Variants in AFG1L observed in about 807,000 individuals in gnomAD.
AFG1L encodes the protein AFG1-like ATPase.
AFG1L carries 53 observed loss-of-function variants against 62.2 expected under a neutral mutation model. The observed-to-expected ratio is 0.85, with a 90% CI of 0.68 to 1.07. The LOEUF is 1.07. AFG1L is among the 50% of genes least tolerant of loss of function. The pLI is 0.00. For synonymous variants in AFG1L, 228 were observed against 210.3 expected (o/e 1.08, Z -0.73); for missense variants, 555 against 590.5 (o/e 0.94, Z 0.62).
In AFG1L at chr6:108,347,293, GTAAT is replaced by G. The variant is rs1778902121; in HGVS notation, c.415+259_415+262del. ...GTGCAAACATTATTTAATGTATAAA[GTAAT>G]TAATATCAGGGAAGGAAATCAACTA... On this transcript the variant is annotated intron_variant, in intron 3 of 12. Coordinates refer to ENST00000368977, the MANE Select transcript of AFG1L (RefSeq NM_145315.5). Among the ~76,000 whole-genome samples, 4 of 152,194 alleles carry G rather than the reference GTAAT, an allele frequency of 2.6e-5. No individual in the cohort carries two copies. The South Asian group carries it at 8.3e-4, about 32-fold the overall frequency.
chr6:108,477,300 T>C lies in AFG1L; in HGVS notation c.1062+8T>C, dbSNP rs757932161. The C allele has an allele frequency of 1.3e-6, 2 of 1,541,748 alleles. No individual in the cohort carries two copies. The highest frequency in any genetic ancestry group is 2.3e-5 in the South Asian group (2 of 86,058). ...GAAGAGCTGTGTGAGAGAGTAAGTA[T>C]CCAGGCACGTCCAGACTCACTGGCC... On this transcript the variant is annotated splice_region_variant and intron_variant, in intron 10 of 12. Coordinates refer to ENST00000368977, the MANE Select transcript of AFG1L (RefSeq NM_145315.5).
At chr6:108,465,163 C>A (rs957380625) in intron 8 of AFG1L, among the ~76,000 whole-genome samples, 1 of 152,114 alleles carries the variant, frequency 6.6e-6, no homozygotes, top group South Asian at 2.1e-4. Flanking sequence ...CAAAGCTGAA[C>A]GGGATATTTT....
chr6:108,509,436 T>C lies in AFG1L; in HGVS notation c.1063-776T>C, dbSNP rs145628867. Among the ~76,000 whole-genome samples, 260 of 152,372 alleles carry C rather than the reference T, an allele frequency of 1.7e-3. 2 individuals are homozygous for C. Among genetic ancestry groups the C allele is most frequent in the African/African-American group, 5.6e-3 (232 of 41,602 alleles). On this transcript the variant is annotated intron_variant, in intron 10 of 12. Coordinates refer to ENST00000368977, the MANE Select transcript of AFG1L (RefSeq NM_145315.5). ...AAATAATTTCTGATGATTTTCATAC[T>C]GAAGCACAGTCTTTATTTCAAAATG...
chr6:108,321,392 C>T (rs1038931171), intron 1 of AFG1L, among the ~76,000 whole-genome samples: 15 of 152,202 alleles, frequency 9.9e-5, no homozygotes, highest in Non-Finnish European at 4.4e-5. Context: ...TTCTCCAAGT[C>T]TCCTTGAGTG....
chr6:108,306,059 A>G (rs1180636414), intron 1 of AFG1L, among the ~76,000 whole-genome samples: 1 of 152,134 alleles, frequency 6.6e-6, no homozygotes, highest in Non-Finnish European at 1.5e-5. Context: ...GCCTGTCACC[A>G]CGCCTGGCTA....
intron 2 of AFG1L, among the ~76,000 whole-genome samples, chr6:108,342,436 G>A (rs1778716019): frequency 6.6e-6 from 1 of 152,206 alleles, no homozygotes; most frequent in Non-Finnish European, 1.5e-5. Flanking sequence ...ATTAAGTTGT[G>A]AGAAAATGTA....
At chr6:108,303,232 A>T (rs1443365358) in intron 1 of AFG1L, among the ~76,000 whole-genome samples, 1 of 152,076 alleles carries the variant, frequency 6.6e-6, no homozygotes, top group Non-Finnish European at 1.5e-5. Context: ...TTTAAATTAG[A>T]GACACAGTCT....
At chr6:108,298,260 ATTTTTT>A (rs779200181) in intron 1 of AFG1L, among the ~76,000 whole-genome samples, 6 of 121,502 alleles carry the variant, frequency 4.9e-5, no homozygotes, top group African/African-American at 1.7e-4. Context: ...GAGGGGAAGA[ATTTTTT>A]TTTTTTTTTT....
intron 11 of AFG1L, among the ~76,000 whole-genome samples, chr6:108,513,610 G>T (rs888523488): frequency 6.6e-6 from 1 of 152,228 alleles, no homozygotes; most frequent in Non-Finnish European, 1.5e-5. Context: ...AAACAAAGCG[G>T]CTGGGAAGCT....
intron 2 of AFG1L, among the ~76,000 whole-genome samples, chr6:108,326,824 G>A (rs1360899693): frequency 1.3e-5 from 2 of 152,182 alleles, no homozygotes; most frequent in African/African-American, 2.4e-5. Context: ...GCCAGGCGTG[G>A]TGGCAGGTGC....
At chr6:108,404,786 C>G (rs6910380) in intron 7 of AFG1L, among the ~76,000 whole-genome samples, 100,912 of 151,842 alleles carry the variant, frequency 0.66, 35,541 homozygotes, top group African/African-American at 0.92. Context: ...AGAGTGCAGT[C>G]GTACAATATT....
chr6:108,351,672 C>T (rs1779084056), intron 3 of AFG1L, among the ~76,000 whole-genome samples: 1 of 152,264 alleles, frequency 6.6e-6, no homozygotes, highest in Admixed American at 6.5e-5. Context: ...CAGTCTTTTA[C>T]AAATAAGCAT....
intron 10 of AFG1L, among the ~76,000 whole-genome samples, chr6:108,483,013 A>G (rs1773389570): frequency 6.6e-6 from 1 of 152,178 alleles, no homozygotes; most frequent in South Asian, 2.1e-4. Flanking sequence ...TGATAAGGCT[A>G]TTAAAATACA....
intron 11 of AFG1L, among the ~76,000 whole-genome samples, chr6:108,512,139 G>T (rs1437886086): frequency 1.3e-5 from 2 of 152,216 alleles, no homozygotes; most frequent in East Asian, 1.9e-4. Context: ...CAGGCATGGG[G>T]CCAGGAACTG....
intron 10 of AFG1L, among the ~76,000 whole-genome samples, chr6:108,486,091 A>AAG (rs1264934887): frequency 6.6e-6 from 1 of 152,202 alleles, no homozygotes; most frequent in Non-Finnish European, 1.5e-5. Flanking sequence ...CTCTAAACAG[A>AAG]AGACCTGTAT....
chr6:108,439,130 A>C (rs1159314324), intron 7 of AFG1L, among the ~76,000 whole-genome samples: 1 of 152,216 alleles, frequency 6.6e-6, no homozygotes, highest in African/African-American at 2.4e-5. Context: ...GTAACAGGCT[A>C]AAACCACACA....
chr6:108,453,684 T>A (rs1021280335), intron 8 of AFG1L, among the ~76,000 whole-genome samples: 2 of 152,220 alleles, frequency 1.3e-5, no homozygotes, highest in African/African-American at 4.8e-5. Flanking sequence ...TAAAAACATT[T>A]CTTAGAGTGA....
intron 10 of AFG1L, among the ~76,000 whole-genome samples, chr6:108,488,505 A>T (rs1038545776): frequency 2.0e-5 from 3 of 152,058 alleles, no homozygotes; most frequent in African/African-American, 7.2e-5. Context: ...GGAAATCATG[A>T]GGGGCATCTT....
intron 8 of AFG1L, among the ~76,000 whole-genome samples, chr6:108,474,280 A>G (rs990871873): frequency 1.3e-5 from 2 of 152,180 alleles, no homozygotes; most frequent in Non-Finnish European, 2.9e-5. Context: ...TATCCAGTCC[A>G]TCATTGATAG....
Sources: gnomAD v4.1 joint callset for allele counts (sites outside exome capture counted in the v4.1 genomes callset) on GRCh38, gnomAD v4.1.1 for gene constraint, MANE v1.5 for transcripts, NCBI Gene and HGNC (gene_info 2026-07-23, HGNC 2026-07-21) for gene names.